The following AASDH variants were observed in gnomAD, a reference collection of about 807,000 sequenced individuals.
AASDH encodes aminoadipate-semialdehyde dehydrogenase.
In AASDH, 81 loss-of-function variants were observed where a neutral mutation model predicts 102.3. The observed-to-expected ratio is 0.79, with a 90% CI of 0.66 to 0.95. The LOEUF is 0.95. AASDH is among the 40% of genes least tolerant of loss of function. The pLI is 0.00. For synonymous variants in AASDH, 398 were observed against 454.0 expected (o/e 0.88, Z 1.57); for missense variants, 1,203 against 1,266.2 (o/e 0.95, Z 0.76).
chr4:56,379,946 TAAG>T (rs1470241258), intron 3 of AASDH, among the ~76,000 whole-genome samples: 1 of 152,152 alleles, frequency 6.6e-6, no homozygotes, highest in African/African-American at 2.4e-5. Flanking sequence ...CACTCAGCAC[TAAG>T]GAGTTTAGAT....
intron 14 of AASDH, among the ~76,000 whole-genome samples, chr4:56,341,779 G>A (rs1316163766): frequency 1.3e-5 from 2 of 152,012 alleles, no homozygotes; most frequent in African/African-American, 4.8e-5. Context: ...ATATGTGAGA[G>A]CTAAAAAAGT....
At chr4:56,339,937 G>A (rs1017867370) in intron 14 of AASDH, among the ~76,000 whole-genome samples, 2 of 151,948 alleles carry the variant, frequency 1.3e-5, no homozygotes, top group Non-Finnish European at 2.9e-5. Flanking sequence ...GGGAGGCCAA[G>A]GCAGGTGGAT....
chr4:56,358,613 T>C (rs747797496), intron 5 of AASDH, among the ~76,000 whole-genome samples: 3 of 151,964 alleles, frequency 2.0e-5, no homozygotes, highest in Non-Finnish European at 4.4e-5. Flanking sequence ...GATAGGTATG[T>C]GCTTTTTGTT....
intron 4 of AASDH, among the ~76,000 whole-genome samples, chr4:56,374,627 T>C (rs994230792): frequency 6.6e-6 from 1 of 152,222 alleles, no homozygotes; most frequent in Admixed American, 6.5e-5. Flanking sequence ...CAAAACAATT[T>C]ATTTGTTCTT....
At chr4:56,372,636 A>G (rs1222920166) in intron 4 of AASDH, among the ~76,000 whole-genome samples, 6 of 152,248 alleles carry the variant, frequency 3.9e-5, no homozygotes, top group Admixed American at 3.3e-4. Flanking sequence ...TTTAAAAATT[A>G]TAACTATGTA....
intron 5 of AASDH, among the ~76,000 whole-genome samples, chr4:56,369,171 CA>C (rs35210863): frequency 3.9e-4 from 60 of 152,040 alleles, no homozygotes; most frequent in Non-Finnish European, 1.0e-4. Context: ...AATTTGATCC[CA>C]AAAAGGTTAA....
intron 4 of AASDH, among the ~76,000 whole-genome samples, chr4:56,375,326 T>C (rs1752214436): frequency 6.6e-6 from 1 of 152,216 alleles, no homozygotes; most frequent in Non-Finnish European, 1.5e-5. Flanking sequence ...TGTTCTAATA[T>C]GTGTCTGAAA....
At chr4:56,383,807 A>G (rs1753245644) in intron 2 of AASDH, among the ~76,000 whole-genome samples, 1 of 152,180 alleles carries the variant, frequency 6.6e-6, no homozygotes, top group Non-Finnish European at 1.5e-5. Context: ...CCTTTAACAG[A>G]TTAATGAAGC....
At chr4:56,383,389 T>G (rs2110013193) in intron 2 of AASDH, among the ~76,000 whole-genome samples, 1 of 152,260 alleles carries the variant, frequency 6.6e-6, no homozygotes. Flanking sequence ...AGTGCTGGGA[T>G]TTACAGGTGT....
chr4:56,368,678 A>G lies in AASDH; in HGVS notation c.861+2773T>C, dbSNP rs920157634. On this transcript the variant is annotated intron_variant, in intron 5 of 14. Transcript: ENST00000205214. ...GGTGGGAATTGAACAGTGAGAACAC[A>G]TGGACACAGGAAGGGGAACACCACA... Among the ~76,000 whole-genome samples, 4 of 133,684 alleles carry G rather than the reference A, an allele frequency of 3.0e-5. No homozygotes were observed. The Admixed American group carries it at 3.5e-4, about 12-fold the overall frequency. 87.7% of individuals were successfully genotyped at this position (133,684 alleles called of 152,430 possible).
chr4:56,378,578 C>G (rs920728575), intron 3 of AASDH, 114 bp from the exon 4 acceptor site: 6 of 946,744 alleles, frequency 6.3e-6, no homozygotes, highest in Non-Finnish European at 6.2e-6. Context: ...GGAATTGGTT[C>G]TAGGATCATC....
intron 8 of AASDH, among the ~76,000 whole-genome samples, 162 bp from the exon 9 acceptor site, chr4:56,353,758 A>G (rs1282415830): frequency 2.6e-5 from 4 of 152,238 alleles, no homozygotes; most frequent in African/African-American, 9.6e-5. Context: ...TTACTTGCAC[A>G]TAGGGTTCAT....
In AASDH at chr4:56,378,441, T is replaced by C. The variant is rs1244855661; in HGVS notation, c.375A>G (p.Thr125=). ...CTGTAAATGTATCATAGTTCAATAA[T>C]GTTTCATGAAAAGATTTAAATTTCT... The part of the protein sequence containing the change: ...QINKFKSFHE[T]LLNYDTFTVE... The change falls in exon 4 of 15, where the codon ACA becomes ACG. Residue 125 remains threonine (T), a synonymous_variant. Coordinates refer to ENST00000205214, the MANE Select transcript of AASDH (RefSeq NM_181806.4). 4 of 1,599,900 alleles carry C rather than the reference T, an allele frequency of 2.5e-6. No individual in the cohort carries two copies. The highest frequency in any genetic ancestry group is 2.6e-6 in the Non-Finnish European group (3 of 1,175,242).
Position 56,349,763 on chromosome 4 carries a change from T to G in AASDH, c.1988A>C (p.Gln663Pro), listed in dbSNP as rs758941902. The G allele has an allele frequency of 6.2e-7, 1 of 1,614,216 alleles. No individual in the cohort carries two copies. The highest frequency in any genetic ancestry group is 8.5e-7 in the Non-Finnish European group (1 of 1,180,034). ...QEEASGTSLHQKAIMTFTCHN... is the reference protein window; with the variant it reads ...QEEASGTSLHPKAIMTFTCHN... ...GCAAGTGAAAGTCATGATGGCTTTC[T>G]GATGTAAAGATGTTCCACTGGCTTC... The change falls in exon 11 of 15, where the codon CAG becomes CCG. Residue 663 changes from glutamine to proline, a missense_variant. Physicochemically the swap from Gln to Pro is moderately conservative, Grantham distance 76. Transcript: ENST00000205214.
At position 56,353,448 on chromosome 4, in the gene AASDH, G is replaced by A. The variant is rs772149335; in HGVS notation, c.1532C>T (p.Pro511Leu). 22 of 1,613,452 alleles carry A rather than the reference G, an allele frequency of 1.4e-5. No homozygotes were observed. Among genetic ancestry groups the A allele is most frequent in the South Asian group, 1.1e-4 (10 of 91,034 alleles). Residue 511 changes from proline to leucine, a missense_variant, in exon 9 of 15, where the codon CCG becomes CTG. Transcript: ENST00000205214. ...AGAGTCGATCAATACAAGCTCATCC[G>A]GGACTGCATGACTTGGAAGATATTT... ...LQKYLPSHAV[P>L]DELVLIDSLP...
chr4:56,361,244 A>G (rs1440141167), intron 5 of AASDH, among the ~76,000 whole-genome samples: 1 of 152,076 alleles, frequency 6.6e-6, no homozygotes, highest in East Asian at 1.9e-4. Context: ...CTCTGTCTCT[A>G]CTAAAAATAC....
intron 5 of AASDH, among the ~76,000 whole-genome samples, chr4:56,364,653 C>T (rs1356119597): frequency 6.6e-6 from 1 of 152,134 alleles, no homozygotes; most frequent in Admixed American, 6.5e-5. Context: ...AAATACTTTA[C>T]AGATAAGCAA....
In AASDH at chr4:56,375,766, T is replaced by C. The variant is rs546410336; in HGVS notation, c.668+2382A>G. On this transcript the variant is annotated intron_variant, in intron 4 of 14. Coordinates refer to ENST00000205214, the MANE Select transcript of AASDH (RefSeq NM_181806.4). ...AGGTATGACTTGGCCTTCTGCTTCATACAAAAGTTAAAACCTACTGGCTTC... is the reference window on the plus strand; with the variant it reads ...AGGTATGACTTGGCCTTCTGCTTCACACAAAAGTTAAAACCTACTGGCTTC... Among the ~76,000 whole-genome samples, 12 of 152,258 alleles carry C rather than the reference T, an allele frequency of 7.9e-5. No individual in the cohort carries two copies. The South Asian group carries it at 2.3e-3, about 29-fold the overall frequency.
chr4:56,361,180 G>C (rs1255040041), intron 5 of AASDH, among the ~76,000 whole-genome samples: 3 of 152,192 alleles, frequency 2.0e-5, no homozygotes, highest in Non-Finnish European at 4.4e-5. Context: ...GGAAAGCCAA[G>C]GCGGGCAGAT....
Sources: gnomAD v4.1 joint callset for allele counts (sites outside exome capture counted in the v4.1 genomes callset) on GRCh38, gnomAD v4.1.1 for gene constraint, MANE v1.5 for transcripts, NCBI Gene and HGNC (gene_info 2026-07-23, HGNC 2026-07-21) for gene names.